The following USH2A variants were observed in gnomAD, a reference collection of about 807,000 sequenced individuals.
USH2A encodes Usher syndrome 2A (autosomal recessive, mild).
A neutral mutation model predicts 538.9 loss-of-function variants in USH2A; 443 were observed. The observed-to-expected ratio is 0.82, with a 90% CI of 0.76 to 0.89. USH2A has a LOEUF of 0.89. Ranked by LOEUF, USH2A falls within the 40% of genes least tolerant of loss-of-function variation. The probability of loss-of-function intolerance (pLI) is 0.00; values close to 1 mark genes in which losing one functional copy is unlikely to be tolerated. For missense variants in USH2A, 6,633 were observed against 6,324.8 expected (o/e 1.05, Z -1.65); for synonymous variants, 2,413 against 2,273.5 (o/e 1.06, Z -1.75).
chr1:216,200,407 A>G (rs1174222538), intron 16 of USH2A, among the ~76,000 whole-genome samples: 1 of 152,108 alleles, frequency 6.6e-6, no homozygotes. Context: ...GGTCTAAGAG[A>G]AAGTCCTTGC....
At chr1:215,688,079 G>A (rs1371109886) in intron 61 of USH2A, among the ~76,000 whole-genome samples, 1 of 141,804 alleles carries the variant, frequency 7.1e-6, no homozygotes, top group Non-Finnish European at 1.6e-5. Flanking sequence ...TTGGGGAAGA[G>A]TGAATGAAAT....
At chr1:216,117,102 G>C (rs970069478) in intron 21 of USH2A, among the ~76,000 whole-genome samples, 12 of 152,090 alleles carry the variant, frequency 7.9e-5, no homozygotes, top group African/African-American at 2.9e-4. Flanking sequence ...TGGCTGCCTA[G>C]AATGACACTT....
intron 32 of USH2A, among the ~76,000 whole-genome samples, chr1:216,009,414 C>G (rs188637044): frequency 6.6e-6 from 1 of 152,206 alleles, no homozygotes; most frequent in Admixed American, 6.5e-5. Flanking sequence ...TTCCAAATAG[C>G]CAGAAAACAG....
chr1:215,856,581 C>T (rs910361217), intron 44 of USH2A, among the ~76,000 whole-genome samples: 1 of 152,104 alleles, frequency 6.6e-6, no homozygotes, highest in African/African-American at 2.4e-5. Flanking sequence ...ACAAAGAACA[C>T]ATTTTTACAC....
intron 3 of USH2A, among the ~76,000 whole-genome samples, chr1:216,379,511 T>C (rs905779619): frequency 2.0e-5 from 3 of 152,128 alleles, no homozygotes; most frequent in African/African-American, 7.2e-5. Context: ...CAAGTGCTAC[T>C]TAAGTGCTTT....
intron 35 of USH2A, among the ~76,000 whole-genome samples, chr1:215,975,065 T>G (rs1351211305): frequency 2.0e-5 from 3 of 152,236 alleles, no homozygotes; most frequent in Admixed American, 6.5e-5. Flanking sequence ...CGTTGTGGTT[T>G]TGATATGCAA....
Position 215,813,871 on chromosome 1 carries a change from G to C in USH2A, c.9604C>G (p.Pro3202Ala), listed in dbSNP as rs113786363. 4.0e-5 allele frequency: 65 copies of C among 1,613,772 alleles called. No homozygotes were observed. In the African/African-American group the frequency reaches 6.8e-4, roughly 17 times the overall value. Residue 3202 changes from proline to alanine, a missense_variant, in exon 49 of 72, where the codon CCT becomes GCT. Physicochemically the swap from Pro to Ala is conservative, Grantham distance 27. Coordinates refer to ENST00000307340, the MANE Select transcript of USH2A (RefSeq NM_206933.4). ...CCNGVLYNPK[P>A]GHRCCEEKYI... Reference sequence around the variant, plus strand: ...TTTTCTTCACAACAGCGATGTCCAGGCTTGGGGTTATAGAGCACTCCGTTA... The same window carrying C: ...TTTTCTTCACAACAGCGATGTCCAGCCTTGGGGTTATAGAGCACTCCGTTA...
At chr1:216,045,932 G>A (rs1244586316) in intron 32 of USH2A, among the ~76,000 whole-genome samples, 1 of 151,890 alleles carries the variant, frequency 6.6e-6, no homozygotes, top group Admixed American at 6.6e-5. Flanking sequence ...CAATTGGAGT[G>A]ATTAACAGGA....
At chr1:215,972,393 A>G (rs1482927813) in intron 35 of USH2A, among the ~76,000 whole-genome samples, 1 of 152,114 alleles carries the variant, frequency 6.6e-6, no homozygotes, top group Non-Finnish European at 1.5e-5. Context: ...GCGTCCCATA[A>G]TGGTTCAAAT....
intron 61 of USH2A, among the ~76,000 whole-genome samples, chr1:215,712,972 A>G (rs1050562198): frequency 5.3e-5 from 8 of 151,808 alleles, no homozygotes; most frequent in African/African-American, 1.9e-4. Context: ...ATGCCCGGCT[A>G]ATTTGTGTAT....
chr1:215,641,361 CTAAT>C (rs905499465), intron 67 of USH2A, among the ~76,000 whole-genome samples: 15 of 152,184 alleles, frequency 9.9e-5, no homozygotes, highest in African/African-American at 3.4e-4. Context: ...ATGGCCCTGA[CTAAT>C]CAATCAATAG....
In USH2A at chr1:215,647,713, T is replaced by A. The variant is rs374096293; in HGVS notation, c.14600A>T (p.His4867Leu). 22 of 1,614,076 alleles carry A rather than the reference T, an allele frequency of 1.4e-5. No individual in the cohort carries two copies. In the East Asian group the frequency reaches 2.2e-4, roughly 16 times the overall value. ...GGCTGAGTCAGGAGGGCAAGCCACG[T>A]GGAATTGGAGTTCATAGCTAAAATG... ...GVIHSYELQF[H>L]VACPPDSALP... The change falls in exon 67 of 72, where the codon CAC becomes CTC. Residue 4867 changes from histidine (H) to leucine (L), a missense_variant. Physicochemically the swap from His to Leu is moderately conservative, Grantham distance 99. Transcript: ENST00000307340.
rs769298925 is a variant in USH2A, at chr1:216,078,086, T to C, written c.5572+3A>G. 1 of 1,613,554 alleles carries C rather than the reference T, an allele frequency of 6.2e-7. No homozygotes were observed. The highest frequency in any genetic ancestry group is 1.1e-5 in the South Asian group (1 of 91,082). On this transcript the variant is annotated splice_donor_region_variant and intron_variant, in intron 27 of 71. Coordinates refer to ENST00000307340, the MANE Select transcript of USH2A (RefSeq NM_206933.4). ...TTTGTGAATTCCTCCAGATGGAACT[T>C]ACCTTGTTCCAAACACAAATGTTGA...
At chr1:215,930,093 C>T (rs17025620) in intron 38 of USH2A, among the ~76,000 whole-genome samples, 6,157 of 152,000 alleles carry the variant, frequency 0.041, 137 homozygotes, top group Middle Eastern at 0.088. Flanking sequence ...TATAATAATT[C>T]TCATCAACTT....
At chr1:216,332,896 T>C (rs1029880949) in intron 4 of USH2A, among the ~76,000 whole-genome samples, 1 of 152,092 alleles carries the variant, frequency 6.6e-6, no homozygotes, top group Non-Finnish European at 1.5e-5. Flanking sequence ...ACTATGTGTT[T>C]AAAATGTCTG....
chr1:216,420,736 C>T (rs2039661656), intron 2 of USH2A, among the ~76,000 whole-genome samples: 2 of 152,124 alleles, frequency 1.3e-5, no homozygotes, highest in Admixed American at 1.3e-4. Flanking sequence ...CTTGAATTTA[C>T]TAGAATTTCA....
intron 21 of USH2A, among the ~76,000 whole-genome samples, chr1:216,139,351 G>A (rs1018794495): frequency 2.0e-5 from 3 of 149,854 alleles, no homozygotes; most frequent in Non-Finnish European, 4.4e-5. Context: ...TAAAAATCTC[G>A]AAGTTATAAT....
chr1:215,742,122 C>T (rs9662073), intron 59 of USH2A, among the ~76,000 whole-genome samples: 38,300 of 151,972 alleles, frequency 0.25, 5,104 homozygotes, highest in East Asian at 0.38. Flanking sequence ...GAAAGCAATA[C>T]CCCTCAAACA....
chr1:216,294,845 T>C (rs2037072805), intron 9 of USH2A, among the ~76,000 whole-genome samples: 2 of 151,940 alleles, frequency 1.3e-5, no homozygotes, highest in Admixed American at 6.6e-5. Context: ...CTTGGTTAGA[T>C]ATAGTCCTTT....
Sources: gnomAD v4.1 joint callset for allele counts (sites outside exome capture counted in the v4.1 genomes callset) on GRCh38, gnomAD v4.1.1 for gene constraint, MANE v1.5 for transcripts, NCBI Gene and HGNC (gene_info 2026-07-23, HGNC 2026-07-21) for gene names.